Variants in RPGRIP1L observed in about 807,000 individuals in gnomAD.
RPGRIP1L encodes RPGRIP1 like, also known as protein fantom.
A neutral mutation model predicts 160.4 loss-of-function variants in RPGRIP1L; 131 were observed. That is an observed-to-expected ratio of 0.82 (90% CI 0.71 to 0.94). The LOEUF is 0.94. Ranked by LOEUF, RPGRIP1L falls within the 40% of genes least tolerant of loss-of-function variation. The pLI, the probability that RPGRIP1L is intolerant of heterozygous loss-of-function variation, is 0.00. For missense variants in RPGRIP1L, 1,522 were observed against 1,535.8 expected (o/e 0.99, Z 0.15); for synonymous variants, 510 against 515.8 (o/e 0.99, Z 0.15).
At chr16:53,602,404 A>G (rs1963424487) in intron 26 of RPGRIP1L, among the ~76,000 whole-genome samples, 1 of 152,124 alleles carries the variant, frequency 6.6e-6, no homozygotes, top group Non-Finnish European at 1.5e-5. Flanking sequence ...TTGTTTGTGG[A>G]GCTAAAACTA....
chr16:53,676,091 C>A (rs1001268175), intron 6 of RPGRIP1L, among the ~76,000 whole-genome samples: 1 of 151,876 alleles, frequency 6.6e-6, no homozygotes, highest in Non-Finnish European at 1.5e-5. Context: ...TGTCATAATG[C>A]CCTACTGGAA....
At chr16:53,672,466 AT>A (rs1303767528) in intron 8 of RPGRIP1L, among the ~76,000 whole-genome samples, 1 of 152,176 alleles carries the variant, frequency 6.6e-6, no homozygotes, top group African/African-American at 2.4e-5. Flanking sequence ...AAATTAGATA[AT>A]TTCACAAAAT....
rs1352245119 is a variant in RPGRIP1L, at chr16:53,692,106, T to C, written c.489A>G (p.Lys163=). 3.1e-6 allele frequency: 5 copies of C among 1,614,086 alleles called. No homozygotes were observed. In the African/African-American group the frequency reaches 6.7e-5, roughly 22 times the overall value. Residue 163 remains lysine (K), a synonymous_variant, in exon 4 of 27, where the codon AAA becomes AAG. Transcript: ENST00000647211. ...CCTGTAAACCAGCATTTTCATTTGC[T>C]TTTCTACGCCCAGTGTTAATACGAG... The part of the protein sequence containing the change: ...VQSRINTGRR[K]ANENAGLQEC...
At chr16:53,673,638 A>G (rs1170667864) in intron 7 of RPGRIP1L, among the ~76,000 whole-genome samples, 1 of 152,152 alleles carries the variant, frequency 6.6e-6, no homozygotes, top group Non-Finnish European at 1.5e-5. Context: ...TATAGACCAT[A>G]TAACCATAGC....
In RPGRIP1L at chr16:53,703,850, C is replaced by A. The variant is rs1010667890; in HGVS notation, c.-55G>T. The A allele has an allele frequency of 4.1e-6, 2 of 489,668 alleles. No individual in the cohort carries two copies. The highest frequency in any genetic ancestry group is 3.9e-5 in the African/African-American group (2 of 51,504). 30.3% of individuals were successfully genotyped at this position (489,668 alleles called of 1,614,324 possible). A position where few individuals can be genotyped will look rare whatever the true frequency, so the allele number is the denominator to read the frequency against. On this transcript the variant is annotated 5_prime_UTR_variant, in exon 1 of 27. Transcript: ENST00000647211. Reference sequence around the variant, plus strand: ...GCTACCGTTGCTATAGCGCCGACAGCGTGGCGGGCGGCTGGCCGAGAGGAG... The same window carrying A: ...GCTACCGTTGCTATAGCGCCGACAGAGTGGCGGGCGGCTGGCCGAGAGGAG...
At chr16:53,639,345 C>CA (rs1754942118) in intron 19 of RPGRIP1L, among the ~76,000 whole-genome samples, 1 of 151,788 alleles carries the variant, frequency 6.6e-6, no homozygotes, top group African/African-American at 2.4e-5. Context: ...TTTGGTTACA[C>CA]AATAATAACT....
At chr16:53,661,835 A>T (rs1264499065) in intron 10 of RPGRIP1L, among the ~76,000 whole-genome samples, 3 of 152,220 alleles carry the variant, frequency 2.0e-5, no homozygotes, top group African/African-American at 7.2e-5. Flanking sequence ...CAAGGGCATT[A>T]TTAGTGGAAA....
intron 25 of RPGRIP1L, among the ~76,000 whole-genome samples, chr16:53,609,393 T>C (rs1020125146): frequency 1.3e-5 from 2 of 152,192 alleles, no homozygotes; most frequent in Non-Finnish European, 2.9e-5. Flanking sequence ...CCACCACACC[T>C]GGCCTTTTTA....
chr16:53,679,018 A>C (rs1969412885), intron 6 of RPGRIP1L, among the ~76,000 whole-genome samples: 1 of 152,210 alleles, frequency 6.6e-6, no homozygotes, highest in Non-Finnish European at 1.5e-5. Flanking sequence ...AGGAAAGTCT[A>C]TTTGAAAGAT....
intron 6 of RPGRIP1L, among the ~76,000 whole-genome samples, chr16:53,680,128 G>C (rs916060887): frequency 2.0e-5 from 3 of 152,092 alleles, no homozygotes; most frequent in African/African-American, 7.2e-5. Context: ...TGTATAAAGT[G>C]GCAGGAGGCT....
At chr16:53,648,658 A>ACACACACAC in intron 16 of RPGRIP1L, among the ~76,000 whole-genome samples, 1 of 151,706 alleles carries the variant, frequency 6.6e-6, no homozygotes, top group South Asian at 2.1e-4. Context: ...ACACACACAC[A>ACACACACAC]AAAGTGCATG....
At position 53,644,146 on chromosome 16, in the gene RPGRIP1L, T is replaced by C. The variant is rs112979370; in HGVS notation, c.2683+1479A>G. Among the ~76,000 whole-genome samples, 28 of 152,206 alleles carry C rather than the reference T, an allele frequency of 1.8e-4. 2 individuals are homozygous for C. Among genetic ancestry groups the C allele is most frequent in the Admixed American group, 5.2e-4 (8 of 15,276 alleles). ...GAGTTGAAGTCCAGCCTGGGCAACA[T>C]AGCGAGACCCCTAATTCTGGAGTTG... On this transcript the variant is annotated intron_variant, in intron 17 of 26. Transcript: ENST00000647211.
chr16:53,674,472 C>T (rs1056206458), intron 7 of RPGRIP1L, among the ~76,000 whole-genome samples: 6 of 151,958 alleles, frequency 3.9e-5, no homozygotes, highest in Admixed American at 2.6e-4. Context: ...TATTGTCAAC[C>T]TGAAGGGTTA....
chr16:53,690,192 T>C (rs1233449706), intron 4 of RPGRIP1L, among the ~76,000 whole-genome samples: 2 of 152,162 alleles, frequency 1.3e-5, no homozygotes, highest in African/African-American at 4.8e-5. Context: ...AATCTGGGCA[T>C]TATAGACTTA....
At chr16:53,616,241 T>C (rs1008249112) in intron 24 of RPGRIP1L, among the ~76,000 whole-genome samples, 1 of 152,240 alleles carries the variant, frequency 6.6e-6, no homozygotes, top group Non-Finnish European at 1.5e-5. Context: ...GTCTACATTA[T>C]ATTGACCTTC....
chr16:53,649,662 G>A (rs1966813283), intron 15 of RPGRIP1L, among the ~76,000 whole-genome samples: 1 of 152,134 alleles, frequency 6.6e-6, no homozygotes, highest in South Asian at 2.1e-4. Flanking sequence ...CACGATGTTT[G>A]CCCTGCACAC....
At chr16:53,609,763 G>A (rs1239235356) in intron 25 of RPGRIP1L, among the ~76,000 whole-genome samples, 1 of 152,058 alleles carries the variant, frequency 6.6e-6, no homozygotes, top group African/African-American at 2.4e-5. Flanking sequence ...AGGGGGCCCT[G>A]AAAGAAGCTG....
chr16:53,680,513 G>A (rs191554373), intron 6 of RPGRIP1L, among the ~76,000 whole-genome samples: 5 of 151,972 alleles, frequency 3.3e-5, no homozygotes, highest in South Asian at 2.1e-4. Flanking sequence ...GCAACAACAC[G>A]TGACCCTCGA....
rs146736125 is a variant in RPGRIP1L, at chr16:53,683,368, C to T, written c.776+3065G>A. Among the ~76,000 whole-genome samples, 41 of 151,644 alleles carry T rather than the reference C, an allele frequency of 2.7e-4. 1 individual carries two copies. Among genetic ancestry groups the T allele is most frequent in the African/African-American group, 9.9e-4 (41 of 41,406 alleles). ...CTATGTGTAGAACTTATTTGGATTC[C>T]AATTCAAATGAACAGTAGAAGGACA... On this transcript the variant is annotated intron_variant, in intron 6 of 26. Coordinates refer to ENST00000647211, the MANE Select transcript of RPGRIP1L (RefSeq NM_015272.5).
Sources: allele counts gnomAD v4.1 joint callset (sites outside exome capture counted in the v4.1 genomes callset), GRCh38; gene constraint gnomAD v4.1.1; transcripts MANE v1.5; gene names NCBI Gene and HGNC (gene_info 2026-07-23, HGNC 2026-07-21).